The following DLG2 variants were observed in gnomAD, a reference collection of about 807,000 sequenced individuals.
DLG2 encodes the protein disks large homolog 2.
DLG2 carries 45 observed loss-of-function variants against 132.5 expected under a neutral mutation model. That is an observed-to-expected ratio of 0.34 (90% CI 0.27 to 0.44). The LOEUF is 0.44. Ranked by LOEUF, DLG2 falls within the 20% of genes least tolerant of loss-of-function variation. The pLI is 1.00. For missense variants in DLG2, 1,045 were observed against 1,196.9 expected, an observed-to-expected ratio of 0.87 and a Z score of 1.87; for synonymous variants, 424 against 419.6, an observed-to-expected ratio of 1.01 and a Z score of -0.13.
intron 7 of DLG2, among the ~76,000 whole-genome samples, chr11:84,311,416 A>G (rs1210252113): frequency 6.6e-6 from 1 of 152,234 alleles, no homozygotes; most frequent in Admixed American, 6.5e-5. Flanking sequence ...TGAATTTATT[A>G]TCCCAAGTTT....
intron 26 of DLG2, among the ~76,000 whole-genome samples, chr11:83,463,675 C>G (rs187347418): frequency 6.6e-6 from 1 of 152,264 alleles, no homozygotes; most frequent in East Asian, 1.9e-4. Flanking sequence ...CCTTTAGTCC[C>G]AGCTACTTGG....
At chr11:85,194,597 C>G (rs1439327472) in intron 4 of DLG2, among the ~76,000 whole-genome samples, 9 of 151,690 alleles carry the variant, frequency 5.9e-5, no homozygotes, top group Non-Finnish European at 1.3e-4. Context: ...TCCGCACTCC[C>G]CTCACCCCCA....
intron 7 of DLG2, among the ~76,000 whole-genome samples, chr11:84,438,037 T>C (rs1029861259): frequency 1.3e-5 from 2 of 152,122 alleles, no homozygotes; most frequent in Non-Finnish European, 2.9e-5. Context: ...AGAACCACCA[T>C]GAATCTGCCC....
At chr11:85,351,021 T>C (rs1227663860) in intron 3 of DLG2, among the ~76,000 whole-genome samples, 1 of 152,236 alleles carries the variant, frequency 6.6e-6, no homozygotes, top group Non-Finnish European at 1.5e-5. Context: ...TTGCATGATA[T>C]TGATTCTTCC....
chr11:83,464,152 G>A (rs2090572990), intron 26 of DLG2, among the ~76,000 whole-genome samples: 2 of 152,226 alleles, frequency 1.3e-5, no homozygotes, highest in East Asian at 1.9e-4. Flanking sequence ...GATTGGAAGT[G>A]GCAGGGTGAA....
chr11:84,371,144 A>T (rs929301682), intron 7 of DLG2, among the ~76,000 whole-genome samples: 1 of 152,214 alleles, frequency 6.6e-6, no homozygotes, highest in Non-Finnish European at 1.5e-5. Flanking sequence ...TACTAAAAAG[A>T]AAAGACAAGC....
Position 84,139,979 on chromosome 11 carries a change from A to AT in DLG2, c.624+23481dup, listed in dbSNP as rs1365100307. On this transcript the variant is annotated intron_variant, in intron 9 of 27. Transcript: ENST00000376104. ...ATACTTTGGGGTGATTTAAAATCCA[A>AT]TTTTTTATAAGAGAACTATTTCTTT... is the stretch of plus-strand genomic sequence containing the variant. Among the ~76,000 whole-genome samples, 5 of 152,078 alleles carry AT rather than the reference A, an allele frequency of 3.3e-5. No homozygotes were observed. The East Asian group carries it at 9.6e-4, about 29-fold the overall frequency.
intron 16 of DLG2, among the ~76,000 whole-genome samples, chr11:83,862,910 C>T (rs775174168): frequency 6.6e-5 from 10 of 152,008 alleles, no homozygotes; most frequent in Admixed American, 1.3e-4. Context: ...TGGGAGACTG[C>T]CCAGTAATTA....
chr11:84,348,371 A>C (rs1340204200), intron 7 of DLG2, among the ~76,000 whole-genome samples: 2 of 152,170 alleles, frequency 1.3e-5, no homozygotes, highest in Non-Finnish European at 2.9e-5. Flanking sequence ...TCTAGATCTC[A>C]CTCTAAATTC....
intron 6 of DLG2, among the ~76,000 whole-genome samples, chr11:84,732,838 T>G (rs1954441769): frequency 7.0e-6 from 1 of 143,626 alleles, no homozygotes; most frequent in South Asian, 2.5e-4. Context: ...CCCCTTCCTG[T>G]GTCCAAGTGT....
chr11:83,465,456 C>T (rs2090841900), intron 26 of DLG2, among the ~76,000 whole-genome samples: 1 of 152,122 alleles, frequency 6.6e-6, no homozygotes, highest in Non-Finnish European at 1.5e-5. Context: ...TTTTCCAGTA[C>T]TCTGTGGTTC....
chr11:83,833,541 T>A, intron 17 of DLG2, 73 bp downstream of exon 17: 2 of 1,459,770 alleles, frequency 1.4e-6, no homozygotes, highest in Non-Finnish European at 1.9e-6. Context: ...TTTGGTATCA[T>A]AATTGAAAGT....
At chr11:85,395,261 A>G (rs2087205114) in intron 3 of DLG2, among the ~76,000 whole-genome samples, 1 of 152,202 alleles carries the variant, frequency 6.6e-6, no homozygotes, top group African/African-American at 2.4e-5. Context: ...TTTAAGCTGG[A>G]TCAAGAAAGA....
At chr11:84,827,903 A>G (rs1028868826) in intron 6 of DLG2, among the ~76,000 whole-genome samples, 10 of 151,722 alleles carry the variant, frequency 6.6e-5, no homozygotes, top group African/African-American at 2.4e-4. Context: ...AAAAATCAAA[A>G]CAATTGAACT....
At chr11:84,611,491 A>G (rs1330504007) in intron 6 of DLG2, among the ~76,000 whole-genome samples, 1 of 152,136 alleles carries the variant, frequency 6.6e-6, no homozygotes, top group Admixed American at 6.6e-5. Context: ...TGCTTGAAGA[A>G]GCTTAAAATT....
intron 12 of DLG2, among the ~76,000 whole-genome samples, chr11:83,973,534 T>A (rs181334817): frequency 4.7e-4 from 71 of 152,160 alleles, no homozygotes; most frequent in Middle Eastern, 3.4e-3. Flanking sequence ...TTTTAGCCAA[T>A]TGCAGGTAAT....
intron 3 of DLG2, among the ~76,000 whole-genome samples, chr11:85,462,699 T>C (rs553328097): frequency 6.6e-6 from 1 of 151,958 alleles, no homozygotes; most frequent in African/African-American, 2.4e-5. Flanking sequence ...ATACCTAATG[T>C]TAAATGACGA....
At chr11:83,613,030 C>T (rs1262064152) in intron 19 of DLG2, among the ~76,000 whole-genome samples, 1 of 152,190 alleles carries the variant, frequency 6.6e-6, no homozygotes, top group Admixed American at 6.5e-5. Context: ...AACAGAACAT[C>T]CCTCCCACCA....
At chr11:84,243,020 T>TAA (rs71463202) in intron 8 of DLG2, among the ~76,000 whole-genome samples, 1 of 141,326 alleles carries the variant, frequency 7.1e-6, no homozygotes, top group Non-Finnish European at 1.6e-5. Context: ...TCTCTCTCTA[T>TAA]ATATATATAT....
Sources: gnomAD v4.1 joint callset for allele counts (sites outside exome capture counted in the v4.1 genomes callset) on GRCh38, gnomAD v4.1.1 for gene constraint, MANE v1.5 for transcripts, NCBI Gene and HGNC (gene_info 2026-07-23, HGNC 2026-07-21) for gene names.